ZNF568: variants seen among roughly 807,000 people sequenced by gnomAD.
ZNF568 encodes the protein zinc finger protein 568, also known as p53 inhibitor of SCO2 activation.
A neutral mutation model predicts 18.1 loss-of-function variants in ZNF568; 11 were observed. The observed-to-expected ratio is 0.61, with a 90% confidence interval of 0.38 to 1.00. ZNF568 has a LOEUF of 1.00. Ranked by LOEUF, ZNF568 falls within the 50% of genes least tolerant of loss-of-function variation. ZNF568 has a pLI of 0.01. For missense variants in ZNF568, 639 were observed against 768.2 expected (o/e 0.83, Z 1.99); for synonymous variants, 213 against 246.6 (o/e 0.86, Z 1.28).
chr19:36,961,286 T>G (rs1237661473), intron 6 of ZNF568, among the ~76,000 whole-genome samples: 2 of 142,880 alleles, frequency 1.4e-5, no homozygotes, highest in African/African-American at 5.4e-5. Context: ...CTTTTTTTTT[T>G]TTTTTAACTC....
At chr19:36,972,800 A>C (rs2074246604) in intron 6 of ZNF568, among the ~76,000 whole-genome samples, 1 of 152,196 alleles carries the variant, frequency 6.6e-6, no homozygotes. Flanking sequence ...GCCTTTGGGC[A>C]CACACACAAA....
downstream of ZNF568, among the ~76,000 whole-genome samples, chr19:36,980,608 A>T (rs1234312311): frequency 6.6e-6 from 1 of 152,156 alleles, no homozygotes; most frequent in Non-Finnish European, 1.5e-5. Flanking sequence ...AGCCTCACAG[A>T]ACTCAATGAA....
chr19:36,917,971 C>CG (rs1451376862), intron 2 of ZNF568, among the ~76,000 whole-genome samples: 2 of 152,074 alleles, frequency 1.3e-5, no homozygotes, highest in African/African-American at 2.4e-5. Context: ...TTTTTTGAGA[C>CG]GGAGTCTCGC....
chr19:36,918,318 G>C (rs549095083), intron 2 of ZNF568, among the ~76,000 whole-genome samples: 1 of 152,258 alleles, frequency 6.6e-6, no homozygotes, highest in Admixed American at 6.5e-5. Context: ...GTATCCAGGA[G>C]GGGTTGGTTT....
intron 6 of ZNF568, among the ~76,000 whole-genome samples, chr19:36,948,552 G>A (rs542555343): frequency 9.2e-5 from 14 of 151,990 alleles, no homozygotes; most frequent in African/African-American, 3.1e-4. Context: ...CTTCCAAAGT[G>A]GCTGTACCAT....
downstream of ZNF568, among the ~76,000 whole-genome samples, chr19:36,980,775 T>C (rs1322343189): frequency 6.6e-6 from 1 of 152,182 alleles, no homozygotes; most frequent in African/African-American, 2.4e-5. Context: ...CTTCATTACA[T>C]AGGCATCATT....
rs1568381534 is a variant in ZNF568 at position 36,927,891 on chromosome 19, ATATATATATATATTTTTTTTTTTTTTTTT to A, written c.135+2635_135+2663del. Reference sequence around the variant, plus strand: ...ATATATATATATATATATATATTATATATATATATATATTTTTTTTTTTTTTTTTTTTTTTTTTTTGGTGATGAAGTCTT... The same window carrying A: ...ATATATATATATATATATATATTATATTTTTTTTTTTGGTGATGAAGTCTT... On this transcript the variant is annotated intron_variant, in intron 4 of 6. Transcript: ENST00000333987. 6.6e-3 allele frequency among the ~76,000 whole-genome samples: 163 copies of A among 24,750 alleles called. 3 individuals are homozygous for A. Among genetic ancestry groups the A allele is most frequent in the African/African-American group, 0.039 (159 of 4,126 alleles). 16.2% of individuals were successfully genotyped at this position (24,750 alleles called of 152,430 possible).
At chr19:36,965,565 A>G (rs1033987887) in intron 6 of ZNF568, among the ~76,000 whole-genome samples, 1 of 152,140 alleles carries the variant, frequency 6.6e-6, no homozygotes, top group Non-Finnish European at 1.5e-5. Flanking sequence ...CATTCTTATA[A>G]GCATGGACAG....
At chr19:36,923,285 C>G (rs116056590) in intron 3 of ZNF568, among the ~76,000 whole-genome samples, 1 of 152,132 alleles carries the variant, frequency 6.6e-6, no homozygotes, top group Admixed American at 6.5e-5. Context: ...ATTTAGCTCT[C>G]TTTCACTACC....
intron 7 of ZNF568, chr19:36,976,260 A>G (rs535245876): frequency 6.6e-6 from 1 of 152,156 alleles, no homozygotes; most frequent in South Asian, 2.1e-4. Context: ...GGTTCATACT[A>G]CTAACAGAAG....
chr19:36,989,754 T>A (rs1321104105), intron 2 of ZNF568, among the ~76,000 whole-genome samples: 3 of 151,866 alleles, frequency 2.0e-5, no homozygotes, highest in Non-Finnish European at 4.4e-5. Context: ...GGGATCTCAC[T>A]GTGTTGGTCT....
intron 6 of ZNF568, among the ~76,000 whole-genome samples, chr19:36,967,776 C>G (rs1398789635): frequency 6.6e-6 from 1 of 152,204 alleles, no homozygotes; most frequent in Non-Finnish European, 1.5e-5. Context: ...TAAGGCAGGA[C>G]AGTTTGCCAT....
rs1194696359 is a variant in ZNF568, at chr19:36,933,143, C to CT, written c.136-3603_136-3602insT. On this transcript the variant is annotated intron_variant, in intron 4 of 6. Transcript: ENST00000333987. The stretch of plus-strand genomic sequence containing the variant: ...TAATTTACAACTATGTATTCTGAGA[C>CT]CTTTTTTTTTTTTTTTTAAGCTCTT... Among the ~76,000 whole-genome samples, 10 of 36,756 alleles carry CT rather than the reference C, an allele frequency of 2.7e-4. No homozygotes were observed. The South Asian group carries it at 4.1e-3, about 15-fold the overall frequency. 24.1% of individuals were successfully genotyped at this position (36,756 alleles called of 152,430 possible).
intron 6 of ZNF568, among the ~76,000 whole-genome samples, chr19:36,970,628 T>C (rs191213246): frequency 7.8e-4 from 119 of 152,180 alleles, no homozygotes; most frequent in African/African-American, 2.5e-3. Context: ...TGAGCCACCA[T>C]GCCCGGCCAT....
chr19:36,942,133 C>A (rs934399631), intron 6 of ZNF568, among the ~76,000 whole-genome samples: 3 of 151,750 alleles, frequency 2.0e-5, no homozygotes, highest in African/African-American at 7.3e-5. Flanking sequence ...CAGGCATACA[C>A]CACCACGCCC....
chr19:36,985,922 G>T (rs1422027198), intron 2 of ZNF568, among the ~76,000 whole-genome samples: 3 of 152,306 alleles, frequency 2.0e-5, no homozygotes, highest in African/African-American at 7.2e-5. Flanking sequence ...TTCATTCACA[G>T]TGTGGTGCTG....
chr19:36,920,577 G>T (rs2073435571), intron 2 of ZNF568, among the ~76,000 whole-genome samples: 1 of 150,556 alleles, frequency 6.6e-6, no homozygotes, highest in Non-Finnish European at 1.5e-5. Context: ...TAGCCAAGAT[G>T]GTGCCATTAC....
At chr19:36,963,028 T>G (rs1245793709) in intron 6 of ZNF568, among the ~76,000 whole-genome samples, 1 of 152,240 alleles carries the variant, frequency 6.6e-6, no homozygotes, top group Non-Finnish European at 1.5e-5. Context: ...AATCTCTTGT[T>G]AGGCTTTGGA....
At chr19:36,962,279 T>TTG (rs1555736281) in intron 6 of ZNF568, among the ~76,000 whole-genome samples, 14 of 57,022 alleles carry the variant, frequency 2.5e-4, no homozygotes, top group Non-Finnish European at 4.5e-4. Flanking sequence ...GTTGCAGTGT[T>TTG]TTTTTTTTTT....
Sources: allele counts gnomAD v4.1 joint callset (sites outside exome capture counted in the v4.1 genomes callset), GRCh38; gene constraint gnomAD v4.1.1; transcripts MANE v1.5; gene names NCBI Gene and HGNC (gene_info 2026-07-23, HGNC 2026-07-21).